CTNNBL1: variants seen among roughly 807,000 people sequenced by gnomAD.
CTNNBL1 encodes the protein catenin beta like 1.
Under a neutral mutation model 72.7 loss-of-function variants are expected in CTNNBL1, and 31 were observed. The ratio of observed to expected loss-of-function variants is 0.43; its 90% CI spans 0.32 to 0.58. The LOEUF (loss-of-function observed/expected upper bound fraction) is 0.58. Ranked by LOEUF, CTNNBL1 falls within the 20% of genes least tolerant of loss-of-function variation. The pLI is 0.08. For missense variants in CTNNBL1, 534 were observed against 725.1 expected, an observed-to-expected ratio of 0.74 and a Z score of 3.03; for synonymous variants, 240 against 267.3, an observed-to-expected ratio of 0.90 and a Z score of 1.00.
intron 10 of CTNNBL1, among the ~76,000 whole-genome samples, chr20:37,796,419 G>A (rs973114711): frequency 2.6e-5 from 4 of 151,256 alleles, no homozygotes; most frequent in Non-Finnish European, 5.9e-5. Context: ...CTGATGTCAA[G>A]TGTCTAAAAA....
chr20:37,863,458 G>A (rs920996225), intron 15 of CTNNBL1, among the ~76,000 whole-genome samples: 1 of 152,220 alleles, frequency 6.6e-6, no homozygotes, highest in Admixed American at 6.5e-5. Flanking sequence ...GCTGAGGGAG[G>A]GAGTGGCACG....
chr20:37,804,352 C>T (rs1473752474), intron 11 of CTNNBL1, among the ~76,000 whole-genome samples: 6 of 152,048 alleles, frequency 3.9e-5, no homozygotes, highest in Admixed American at 3.9e-4. Flanking sequence ...GGCCCGGCTG[C>T]ACTATTCGCT....
Position 37,842,557 on chromosome 20 carries a change from T to C in CTNNBL1, c.1392+138T>C, listed in dbSNP as rs552059411. 203 of 670,288 alleles carry C rather than the reference T, an allele frequency of 3.0e-4. No homozygotes were observed. The African/African-American group carries it at 3.2e-3, about 11-fold the overall frequency. 41.5% of individuals were successfully genotyped at this position (670,288 alleles called of 1,614,324 possible). ...GTTATAGAAGTAGAGCAGATGATGG[T>C]CTGCCAAGTGGTTACGACTGCTCTT... On this transcript the variant is annotated intron_variant, in intron 13 of 15. Transcript: ENST00000361383.
intron 3 of CTNNBL1, among the ~76,000 whole-genome samples, chr20:37,738,965 C>T (rs2073191946): frequency 6.6e-6 from 1 of 152,084 alleles, no homozygotes; most frequent in Non-Finnish European, 1.5e-5. Flanking sequence ...GTTACTGGGC[C>T]TAGGGCCACA....
intron 7 of CTNNBL1, among the ~76,000 whole-genome samples, chr20:37,776,513 C>T (rs187388215): frequency 3.9e-5 from 6 of 152,300 alleles, no homozygotes; most frequent in South Asian, 2.1e-4. Context: ...TCATTGTTTA[C>T]ATGCCTGCAT....
intron 1 of CTNNBL1, among the ~76,000 whole-genome samples, chr20:37,707,106 A>T (rs760262517): frequency 1.3e-5 from 2 of 152,124 alleles, no homozygotes; most frequent in African/African-American, 4.8e-5. Context: ...TTGTTATTCC[A>T]TTTCTAGAAC....
chr20:37,779,441 T>G (rs1162924964), intron 10 of CTNNBL1, 106 bp downstream of exon 10: 2 of 1,328,428 alleles, frequency 1.5e-6, no homozygotes, highest in African/African-American at 2.9e-5. Context: ...TTGGGTTTCC[T>G]AGACTTTACC....
At chr20:37,844,238 A>G (rs6096488) in intron 13 of CTNNBL1, among the ~76,000 whole-genome samples, 124,040 of 152,062 alleles carry the variant, frequency 0.82, 50,648 homozygotes, top group Middle Eastern at 0.89. Context: ...GGTGGCAAAG[A>G]GAAGACCTGG....
At chr20:37,702,321 G>T (rs2072851601) in intron 1 of CTNNBL1, among the ~76,000 whole-genome samples, 1 of 152,118 alleles carries the variant, frequency 6.6e-6, no homozygotes, top group Non-Finnish European at 1.5e-5. Context: ...GTATTATTAT[G>T]TGCCTCATAA....
intron 1 of CTNNBL1, among the ~76,000 whole-genome samples, chr20:37,699,435 CT>C: frequency 6.6e-6 from 1 of 152,332 alleles, no homozygotes; most frequent in East Asian, 1.9e-4. Context: ...GAAACTCAAC[CT>C]AGGGAGGTCA....
intron 13 of CTNNBL1, among the ~76,000 whole-genome samples, 174 bp downstream of exon 13, chr20:37,842,593 T>C (rs1006864010): frequency 3.3e-5 from 5 of 152,182 alleles, no homozygotes; most frequent in African/African-American, 1.2e-4. Context: ...CTGACACGAA[T>C]GACACCCTTT....
At chr20:37,799,953 G>A (rs545256241) in intron 10 of CTNNBL1, among the ~76,000 whole-genome samples, 1 of 152,124 alleles carries the variant, frequency 6.6e-6, no homozygotes, top group East Asian at 1.9e-4. Flanking sequence ...GCTCCAAGGG[G>A]CACTATCAGC....
Position 37,746,528 on chromosome 20 carries a change from C to T in CTNNBL1, c.387C>T (p.Thr129=), listed in dbSNP as rs764518599. 1.2e-6 allele frequency: 2 copies of T among 1,614,102 alleles called. No homozygotes were observed. The highest frequency in any genetic ancestry group is 1.7e-6 in the Non-Finnish European group (2 of 1,179,978). Residue 129 remains threonine, a synonymous_variant, in exon 4 of 16, where the codon ACC becomes ACT. Transcript: ENST00000361383. ...TTCAGGAGATGCACGTGGTGGCCAC[C>T]ATGCCAGACCTGTACCACCTTCTGG... ...DIIQEMHVVA[T]MPDLYHLLVE...
rs1039243000 is a variant in CTNNBL1 at position 37,757,753 on chromosome 20, C to T, written c.564+97C>T. On this transcript the variant is annotated intron_variant, in intron 5 of 15. Coordinates refer to ENST00000361383, the MANE Select transcript of CTNNBL1 (RefSeq NM_030877.5). ...AGAGTGGCCACCAGGTGGAACTCCA[C>T]GGCAAGGCTGGAGTGTGGTGAGGCT... 18 of 812,620 alleles carry T rather than the reference C, an allele frequency of 2.2e-5. 1 individual carries two copies. The highest frequency in any genetic ancestry group is 2.3e-4 in the Middle Eastern group (1 of 4,380). 50.3% of individuals were successfully genotyped at this position (812,620 alleles called of 1,614,324 possible).
intron 10 of CTNNBL1, among the ~76,000 whole-genome samples, chr20:37,786,292 G>A (rs2073672695): frequency 6.6e-6 from 1 of 152,176 alleles, no homozygotes; most frequent in South Asian, 2.1e-4. Context: ...ATGGCCCAAA[G>A]GCTCTACAGT....
intron 11 of CTNNBL1, among the ~76,000 whole-genome samples, chr20:37,831,509 G>A (rs916012879): frequency 6.6e-6 from 1 of 152,002 alleles, no homozygotes; most frequent in Non-Finnish European, 1.5e-5. Flanking sequence ...GGGACTACAG[G>A]TGCCCGCCAC....
chr20:37,811,320 T>G (rs895032918), intron 11 of CTNNBL1, among the ~76,000 whole-genome samples: 2 of 152,170 alleles, frequency 1.3e-5, no homozygotes, highest in Non-Finnish European at 2.9e-5. Context: ...AATCACAGAG[T>G]TGGTTATAGT....
At chr20:37,772,871 A>G (rs142084718) in intron 7 of CTNNBL1, among the ~76,000 whole-genome samples, 5 of 152,326 alleles carry the variant, frequency 3.3e-5, no homozygotes, top group East Asian at 1.9e-4. Flanking sequence ...GCCTAGCAGT[A>G]TATAGAGATA....
chr20:37,867,891 T>G (rs949942240), intron 15 of CTNNBL1, among the ~76,000 whole-genome samples: 3 of 151,736 alleles, frequency 2.0e-5, no homozygotes. Context: ...AGGGTGAGGT[T>G]GAGGTGCCTG....
Sources: gnomAD v4.1 joint callset for allele counts (sites outside exome capture counted in the v4.1 genomes callset) on GRCh38, gnomAD v4.1.1 for gene constraint, MANE v1.5 for transcripts, NCBI Gene and HGNC (gene_info 2026-07-23, HGNC 2026-07-21) for gene names.